Variants in TENM2 observed in about 807,000 individuals in gnomAD.
The protein encoded by TENM2 is teneurin-2.
A neutral mutation model predicts 245.2 loss-of-function variants in TENM2; 52 were observed. That is an observed-to-expected ratio of 0.21 (90% CI 0.17 to 0.27). The LOEUF (loss-of-function observed/expected upper bound fraction) is 0.27. TENM2 is among the 10% of genes least tolerant of loss of function. The probability of loss-of-function intolerance (pLI) is 1.00; values close to 1 mark genes in which losing one functional copy is unlikely to be tolerated. For synonymous variants in TENM2, 1,363 were observed against 1,438.9 expected, an observed-to-expected ratio of 0.95 and a Z score of 1.19; for missense variants, 3,046 against 3,666.8, an observed-to-expected ratio of 0.83 and a Z score of 4.37.
At chr5:167,906,729 A>T (rs1039180940) in intron 3 of TENM2, among the ~76,000 whole-genome samples, 1 of 152,094 alleles carries the variant, frequency 6.6e-6, no homozygotes, top group Non-Finnish European at 1.5e-5. Flanking sequence ...GGGGGTGTTC[A>T]ATGTGAATGG....
chr5:167,522,254 C>A (rs1249601955), intron 2 of TENM2, among the ~76,000 whole-genome samples: 1 of 152,174 alleles, frequency 6.6e-6, no homozygotes, highest in Admixed American at 6.5e-5. Context: ...GGAGTTACAG[C>A]ATTTCCTTTG....
chr5:168,154,662 A>G (rs994754805), intron 12 of TENM2, among the ~76,000 whole-genome samples: 1 of 152,224 alleles, frequency 6.6e-6, no homozygotes, highest in Non-Finnish European at 1.5e-5. Flanking sequence ...GTGAGAATCC[A>G]GGTGCATCCA....
chr5:167,859,645 G>T (rs1376036368), intron 2 of TENM2, among the ~76,000 whole-genome samples: 2 of 114,718 alleles, frequency 1.7e-5, no homozygotes, highest in East Asian at 5.9e-4. Flanking sequence ...GCCCCGTCTG[G>T]GAGGTGAGGG....
At chr5:167,724,852 A>T (rs1481248929) in intron 2 of TENM2, among the ~76,000 whole-genome samples, 1 of 152,170 alleles carries the variant, frequency 6.6e-6, no homozygotes, top group Non-Finnish European at 1.5e-5. Context: ...AGTCGTAGTG[A>T]GAGTGGTATT....
chr5:167,853,882 CA>C (rs926758930), intron 2 of TENM2, among the ~76,000 whole-genome samples: 5 of 151,918 alleles, frequency 3.3e-5, no homozygotes, highest in South Asian at 2.1e-4. Context: ...AATAAGACCA[CA>C]AAAAAAGTCT....
At chr5:168,069,879 C>G (rs755908421) in intron 7 of TENM2, among the ~76,000 whole-genome samples, 6 of 152,044 alleles carry the variant, frequency 3.9e-5, no homozygotes, top group Non-Finnish European at 5.9e-5. Flanking sequence ...AGAGGAAAGC[C>G]TTGGTAAATA....
intron 20 of TENM2, 156 bp from the exon 23 acceptor site, chr5:168,214,884 G>C: frequency 4.2e-6 from 3 of 712,206 alleles, no homozygotes; most frequent in Non-Finnish European, 2.5e-6. Flanking sequence ...TGATGTGTTA[G>C]AACACTGAGT....
chr5:167,951,734 C>T (rs763590551), intron 3 of TENM2, among the ~76,000 whole-genome samples: 5 of 152,174 alleles, frequency 3.3e-5, no homozygotes, highest in Non-Finnish European at 7.3e-5. Context: ...AGTTAGCAAC[C>T]TGCTGAGCTG....
At chr5:167,845,017 C>T (rs1490334355) in intron 2 of TENM2, among the ~76,000 whole-genome samples, 1 of 152,090 alleles carries the variant, frequency 6.6e-6, no homozygotes, top group African/African-American at 2.4e-5. Flanking sequence ...ACACCTCTCT[C>T]TGTAAGATGC....
Position 167,875,989 on chromosome 5 carries a change from G to A in TENM2, c.506G>A (p.Arg169His), listed in dbSNP as rs564259727. ...ACCCCTCTGTCCTCTTTCCCAGGTCGTCCCATTCCACCTACATCCTCGCCT... is the reference window on the plus strand; with the variant it reads ...ACCCCTCTGTCCTCTTTCCCAGGTCATCCCATTCCACCTACATCCTCGCCT... Residue 169 changes from arginine to histidine, a missense_variant, in exon 3 of 29, where the codon CGT (arginine) becomes CAT (histidine). Physicochemically the swap from Arg to His is conservative, Grantham distance 29. Coordinates refer to ENST00000518659, the Ensembl canonical transcript of TENM2. The A allele has an allele frequency of 3.1e-5, 48 of 1,549,946 alleles. No homozygotes were observed. The South Asian group carries it at 3.7e-4, about 12-fold the overall frequency.
chr5:167,589,504 G>C (rs1442885464), intron 2 of TENM2, among the ~76,000 whole-genome samples: 1 of 152,038 alleles, frequency 6.6e-6, no homozygotes, highest in Non-Finnish European at 1.5e-5. Flanking sequence ...CAATGCTTTT[G>C]TGGAAATATT....
intron 1 of TENM2, among the ~76,000 whole-genome samples, chr5:167,339,760 T>G (rs1323296352): frequency 6.6e-6 from 1 of 152,102 alleles, no homozygotes; most frequent in Non-Finnish European, 1.5e-5. Flanking sequence ...ATGAATGAAT[T>G]AACGCCGTTA....
chr5:167,510,358 C>T (rs184283856), intron 2 of TENM2, among the ~76,000 whole-genome samples: 4 of 152,130 alleles, frequency 2.6e-5, no homozygotes, highest in Non-Finnish European at 4.4e-5. Context: ...ATTTTGGTGG[C>T]ATTTTGTGAT....
chr5:167,134,954 G>A, the TENM2 span, among the ~76,000 whole-genome samples: 2 of 152,190 alleles, frequency 1.3e-5, no homozygotes, highest in Non-Finnish European at 2.9e-5. Flanking sequence ...TATTGTTAAC[G>A]ATGGTATATT....
At chr5:167,112,629 A>G in the TENM2 span, among the ~76,000 whole-genome samples, 9 of 152,264 alleles carry the variant, frequency 5.9e-5, no homozygotes, top group Non-Finnish European at 8.8e-5. Flanking sequence ...AAAAAATTAT[A>G]TGAGGCCTAT....
intron 27 of TENM2, among the ~76,000 whole-genome samples, chr5:168,253,093 A>T (rs1370078250): frequency 6.6e-6 from 1 of 151,588 alleles, no homozygotes; most frequent in Non-Finnish European, 1.5e-5. Context: ...CAGCCTCCCG[A>T]GTAGCTGGGA....
the TENM2 span, among the ~76,000 whole-genome samples, chr5:167,083,979 TAGCCCCCTAG>T: frequency 1.3e-5 from 2 of 152,116 alleles, no homozygotes. Flanking sequence ...GGTGCTAATC[TAGCCCCCTAG>T]AGCCTCCTTG....
chr5:168,220,534 T>TC (rs1266796987), intron 23 of TENM2, among the ~76,000 whole-genome samples: 1 of 152,234 alleles, frequency 6.6e-6, no homozygotes, highest in African/African-American at 2.4e-5. Context: ...AAGCTGCCCT[T>TC]TTTTTCATAA....
chr5:167,442,180 T>A (rs1764916161), intron 2 of TENM2, among the ~76,000 whole-genome samples: 1 of 152,350 alleles, frequency 6.6e-6, no homozygotes, highest in African/African-American at 2.4e-5. Flanking sequence ...ATTCTTTGAC[T>A]CTTTTTTCAT....
Sources: gnomAD v4.1 joint callset for allele counts (sites outside exome capture counted in the v4.1 genomes callset) on GRCh38, gnomAD v4.1.1 for gene constraint, MANE v1.5 for transcripts, NCBI Gene and HGNC (gene_info 2026-07-23, HGNC 2026-07-21) for gene names.